Variants in ST6GALNAC3 observed in about 807,000 individuals in gnomAD.
ST6GALNAC3 encodes the protein ST6 N-acetylgalactosaminide alpha-2,6-sialyltransferase 3.
Under a neutral mutation model 32.7 loss-of-function variants are expected in ST6GALNAC3, and 25 were observed. The observed-to-expected ratio is 0.76, with a 90% CI of 0.56 to 1.07. ST6GALNAC3 has a LOEUF of 1.07. Ranked by LOEUF, ST6GALNAC3 falls within the 50% of genes least tolerant of loss-of-function variation. The pLI is 0.00. For synonymous variants in ST6GALNAC3, 129 were observed against 133.1 expected, an observed-to-expected ratio of 0.97 and a Z score of 0.21; for missense variants, 355 against 382.4, an observed-to-expected ratio of 0.93 and a Z score of 0.60.
At chr1:76,444,838 G>T (rs1363181059) in intron 3 of ST6GALNAC3, among the ~76,000 whole-genome samples, 2 of 152,112 alleles carry the variant, frequency 1.3e-5, no homozygotes, top group Non-Finnish European at 2.9e-5. Flanking sequence ...CCTTGCAAGG[G>T]CCCCAGGCTT....
Position 76,313,975 on chromosome 1 carries a change from A to G in ST6GALNAC3, c.189A>G (p.Gly63=). Residue 63 remains glycine, a synonymous_variant, in exon 2 of 5, where the codon GGA becomes GGG. Transcript: ENST00000328299. ...TYRRPLRTHY[G]YINVKTQEPL... ...GGCGGCCCCTTCGAACTCACTATGG[A>G]TACATAAATGTGAAGACACAAGAGG... 6.2e-7 allele frequency: 1 copy of G among 1,612,936 alleles called. No individual in the cohort carries two copies. Among genetic ancestry groups the G allele is most frequent in the Non-Finnish European group, 8.5e-7 (1 of 1,179,344 alleles).
intron 3 of ST6GALNAC3, among the ~76,000 whole-genome samples, chr1:76,455,182 A>G (rs1054991899): frequency 2.0e-5 from 3 of 151,868 alleles, no homozygotes; most frequent in Non-Finnish European, 4.4e-5. Flanking sequence ...TATGGCTACA[A>G]TATCTTTTAT....
intron 1 of ST6GALNAC3, among the ~76,000 whole-genome samples, chr1:76,188,120 T>C (rs1196902431): frequency 6.6e-6 from 1 of 152,110 alleles, no homozygotes; most frequent in Non-Finnish European, 1.5e-5. Context: ...GCCCAGCACT[T>C]TGGGAGGCCG....
intron 1 of ST6GALNAC3, among the ~76,000 whole-genome samples, chr1:76,238,359 G>T (rs1249849444): frequency 6.6e-6 from 1 of 152,182 alleles, no homozygotes; most frequent in South Asian, 2.1e-4. Context: ...TGAAAAATGC[G>T]CAAGAGGATG....
At chr1:76,251,504 T>C (rs1228266884) in intron 1 of ST6GALNAC3, among the ~76,000 whole-genome samples, 2 of 152,118 alleles carry the variant, frequency 1.3e-5, no homozygotes, top group Non-Finnish European at 2.9e-5. Context: ...ACTAAACCCT[T>C]CACTGTTCTC....
intron 1 of ST6GALNAC3, among the ~76,000 whole-genome samples, chr1:76,122,977 T>C (rs1648985003): frequency 6.6e-6 from 1 of 152,182 alleles, no homozygotes; most frequent in African/African-American, 2.4e-5. Context: ...CACCTGGACA[T>C]TTATTAGAAA....
rs576076307 is a variant in ST6GALNAC3, at chr1:76,211,703, C to T, written c.19-102102C>T. On this transcript the variant is annotated intron_variant, in intron 1 of 4. Transcript: ENST00000328299. ...CACAAGGACAAAATACCAAACACCG[C>T]ATGTTCTCGCTCATAGGTGGGAATT... is the stretch of plus-strand genomic sequence containing the variant. Among the ~76,000 whole-genome samples the T allele has an allele frequency of 3.9e-5, 6 of 152,016 alleles. No homozygotes were observed. The South Asian group carries it at 1.0e-3, about 26-fold the overall frequency.
At chr1:76,296,808 C>T (rs1459134803) in intron 1 of ST6GALNAC3, among the ~76,000 whole-genome samples, 1 of 151,908 alleles carries the variant, frequency 6.6e-6, no homozygotes, top group Non-Finnish European at 1.5e-5. Context: ...TCTAGTTTTT[C>T]CCCTTTATAC....
chr1:76,211,553 T>TA (rs750782185), intron 1 of ST6GALNAC3, among the ~76,000 whole-genome samples: 12 of 152,146 alleles, frequency 7.9e-5, no homozygotes, highest in African/African-American at 2.9e-4. Flanking sequence ...CCAACAATGA[T>TA]AGACTGGATT....
intron 1 of ST6GALNAC3, among the ~76,000 whole-genome samples, chr1:76,232,519 T>C (rs569850): frequency 0.31 from 47,259 of 152,022 alleles, 9,598 homozygotes; most frequent in African/African-American, 0.57. Context: ...CATCTGGGAG[T>C]AAGGGGTCCT....
chr1:76,353,636 C>A, intron 2 of ST6GALNAC3: 1 of 155,260 alleles, frequency 6.4e-6, no homozygotes, highest in South Asian at 1.9e-4. Context: ...TGGTCAGGTT[C>A]ATGCAAGGCC....
chr1:76,547,942 C>T (rs982114177), intron 3 of ST6GALNAC3, among the ~76,000 whole-genome samples: 1 of 151,796 alleles, frequency 6.6e-6, no homozygotes, highest in Non-Finnish European at 1.5e-5. Flanking sequence ...GAAGGAGTCT[C>T]TATAAACAGC....
chr1:76,473,680 T>C (rs1040524445), intron 3 of ST6GALNAC3, among the ~76,000 whole-genome samples: 8 of 152,164 alleles, frequency 5.3e-5, no homozygotes, highest in Non-Finnish European at 7.4e-5. Context: ...TCCATTAATG[T>C]AGAAACATAC....
chr1:76,495,238 G>A (rs1204248192), intron 3 of ST6GALNAC3, among the ~76,000 whole-genome samples: 2 of 152,100 alleles, frequency 1.3e-5, no homozygotes, highest in African/African-American at 4.8e-5. Flanking sequence ...CTGTGTGTAT[G>A]CCAGGTACTT....
intron 2 of ST6GALNAC3, among the ~76,000 whole-genome samples, chr1:76,362,368 G>C (rs886236780): frequency 1.3e-5 from 2 of 152,082 alleles, no homozygotes; most frequent in African/African-American, 4.8e-5. Flanking sequence ...TGTGAGATTT[G>C]GTAGGGACGT....
At chr1:76,148,451 T>G (rs1650833383) in intron 1 of ST6GALNAC3, among the ~76,000 whole-genome samples, 1 of 152,204 alleles carries the variant, frequency 6.6e-6, no homozygotes, top group East Asian at 1.9e-4. Flanking sequence ...GGCAAATAGG[T>G]TGCCCAATTT....
Position 76,086,102 on chromosome 1 carries a change from A to G in ST6GALNAC3, c.18+11218A>G, listed in dbSNP as rs78624424. Among the ~76,000 whole-genome samples the G allele has an allele frequency of 2.7e-3, 416 of 152,324 alleles. 2 individuals are homozygous for G. The highest frequency in any genetic ancestry group is 9.5e-3 in the African/African-American group (394 of 41,572). On this transcript the variant is annotated intron_variant, in intron 1 of 4. Coordinates refer to ENST00000328299, the MANE Select transcript of ST6GALNAC3 (RefSeq NM_152996.4). ...AAAATCAGTTTGTGATTATTTCTAAACCAAGGAATTTTGTTCCTGCTGATT... is the reference window on the plus strand; with the variant it reads ...AAAATCAGTTTGTGATTATTTCTAAGCCAAGGAATTTTGTTCCTGCTGATT...
chr1:76,218,515 G>C (rs547165546), intron 1 of ST6GALNAC3, among the ~76,000 whole-genome samples: 1 of 152,252 alleles, frequency 6.6e-6, no homozygotes, highest in African/African-American at 2.4e-5. Flanking sequence ...CTGACCTAAA[G>C]AAACAATGCA....
intron 1 of ST6GALNAC3, among the ~76,000 whole-genome samples, chr1:76,176,481 T>C (rs975493055): frequency 7.9e-5 from 12 of 152,198 alleles, no homozygotes; most frequent in Non-Finnish European, 1.5e-4. Flanking sequence ...CTAATCCTAA[T>C]TGATGGTAGA....
Sources: allele counts gnomAD v4.1 joint callset (sites outside exome capture counted in the v4.1 genomes callset), GRCh38; gene constraint gnomAD v4.1.1; transcripts MANE v1.5; gene names NCBI Gene and HGNC (gene_info 2026-07-23, HGNC 2026-07-21).